The following RAPGEF2 variants were observed in gnomAD, a reference collection of about 807,000 sequenced individuals.
The protein encoded by RAPGEF2 is PDZ domain containing guanine nucleotide exchange factor (GEF) 1.
Under a neutral mutation model 186.7 loss-of-function variants are expected in RAPGEF2, and 54 were observed. That is an observed-to-expected ratio of 0.29 (90% CI 0.23 to 0.36). RAPGEF2 has a LOEUF of 0.36. Among genes scored for constraint, RAPGEF2 ranks in the 10% least tolerant of loss-of-function variants. The pLI is 1.00. For synonymous variants in RAPGEF2, 712 were observed against 705.9 expected (o/e 1.01, Z -0.14); for missense variants, 1,532 against 2,045.0 (o/e 0.75, Z 4.84).
At chr4:159,322,633 T>A in intron 10 of RAPGEF2, 150 bp downstream of exon 10, 1 of 634,762 alleles carries the variant, frequency 1.6e-6, no homozygotes, top group Non-Finnish European at 2.7e-6. Flanking sequence ...ACCTGTTATG[T>A]CACTGTATTA....
intron 3 of RAPGEF2, among the ~76,000 whole-genome samples, chr4:159,196,562 T>A (rs1049187438): frequency 6.6e-6 from 1 of 152,246 alleles, no homozygotes; most frequent in African/African-American, 2.4e-5. Context: ...TACCTCGTTT[T>A]TCTCACCTAT....
At chr4:159,177,724 T>G (rs2111265528) in intron 1 of RAPGEF2, among the ~76,000 whole-genome samples, 1 of 152,322 alleles carries the variant, frequency 6.6e-6, no homozygotes, top group South Asian at 2.1e-4. Flanking sequence ...TTGCAGAACT[T>G]CCCCTTTTCT....
intron 12 of RAPGEF2, 46 bp downstream of exon 12, chr4:159,330,056 G>C (rs781697185): frequency 6.4e-7 from 1 of 1,565,406 alleles, no homozygotes; most frequent in Non-Finnish European, 8.6e-7. Context: ...ATTTTTTTTG[G>C]TAGTATTGGT....
intron 7 of RAPGEF2, among the ~76,000 whole-genome samples, chr4:159,249,744 C>A (rs1228760427): frequency 6.6e-6 from 1 of 151,788 alleles, no homozygotes; most frequent in African/African-American, 2.4e-5. Context: ...ACTTCTTTTT[C>A]CCAGTAACAG....
intron 7 of RAPGEF2, chr4:159,282,695 A>C: frequency 2.3e-6 from 1 of 442,262 alleles, no homozygotes; most frequent in South Asian, 1.6e-5. Context: ...TTTGCTTAAG[A>C]AATGATCAAG....
At chr4:159,358,049 C>A (rs1732299900) in intron 29 of RAPGEF2, 65 bp from the exon 30 acceptor site, 5 of 1,501,064 alleles carry the variant, frequency 3.3e-6, no homozygotes, top group Middle Eastern at 1.7e-4. Flanking sequence ...TGAATATATT[C>A]TCTATAGCAC....
chr4:159,334,260 AT>A (rs573518141), intron 17 of RAPGEF2, among the ~76,000 whole-genome samples: 1 of 151,958 alleles, frequency 6.6e-6, no homozygotes, highest in Non-Finnish European at 1.5e-5. Flanking sequence ...AAATTAATTT[AT>A]TTTTTTGAGA....
At chr4:159,251,136 A>G (rs1227049136) in intron 7 of RAPGEF2, among the ~76,000 whole-genome samples, 1 of 152,120 alleles carries the variant, frequency 6.6e-6, no homozygotes, top group Non-Finnish European at 1.5e-5. Context: ...CCCGCCCTGC[A>G]CTTGAATTCT....
At chr4:159,275,284 A>G (rs1437574748) in intron 7 of RAPGEF2, among the ~76,000 whole-genome samples, 1 of 152,132 alleles carries the variant, frequency 6.6e-6, no homozygotes, top group Non-Finnish European at 1.5e-5. Context: ...CTGGATATTC[A>G]TCATAAAGGC....
chr4:159,214,514 C>T (rs1222934604), intron 4 of RAPGEF2, among the ~76,000 whole-genome samples: 3 of 152,050 alleles, frequency 2.0e-5, no homozygotes, highest in Non-Finnish European at 2.9e-5. Flanking sequence ...CCCCTAATTA[C>T]CCTAAATCAG....
At chr4:159,128,459 T>C (rs994626905) in intron 1 of RAPGEF2, among the ~76,000 whole-genome samples, 2 of 152,150 alleles carry the variant, frequency 1.3e-5, no homozygotes, top group Non-Finnish European at 2.9e-5. Context: ...ATTGCTGACA[T>C]AATAAAAATA....
intron 6 of RAPGEF2, among the ~76,000 whole-genome samples, chr4:159,242,443 G>A (rs879445971): frequency 6.6e-6 from 1 of 151,460 alleles, no homozygotes; most frequent in Non-Finnish European, 1.5e-5. Context: ...TTTTTAGTAA[G>A]TTTAAGTGAT....
chr4:159,290,008 A>G lies in RAPGEF2; in HGVS notation c.544-14334A>G, dbSNP rs537146963. 2.0e-5 allele frequency among the ~76,000 whole-genome samples: 3 copies of G among 152,344 alleles called. No homozygotes were observed. The East Asian group carries it at 5.8e-4, about 29-fold the overall frequency. On this transcript the variant is annotated intron_variant, in intron 7 of 29. Coordinates refer to ENST00000691494, the MANE Select transcript of RAPGEF2 (RefSeq NM_001394067.2). ...GGAATATAACTTTTTCCAAAGGGAA[A>G]GAGAAGCCACTAAAACATTTTAGGC...
intron 1 of RAPGEF2, among the ~76,000 whole-genome samples, chr4:159,118,486 AC>A (rs1271677253): frequency 4.0e-5 from 6 of 148,736 alleles, no homozygotes; most frequent in Non-Finnish European, 8.9e-5. Context: ...ATCATCCTGC[AC>A]CCCCCCGCCC....
chr4:159,287,826 A>C (rs1410025024), intron 7 of RAPGEF2, among the ~76,000 whole-genome samples: 1 of 152,176 alleles, frequency 6.6e-6, no homozygotes, highest in Admixed American at 6.5e-5. Flanking sequence ...GCAGTGGCAT[A>C]GCTAATTCAC....
intron 9 of RAPGEF2, among the ~76,000 whole-genome samples, chr4:159,319,747 T>C (rs7678811): frequency 0.62 from 93,722 of 151,336 alleles, 30,317 homozygotes; most frequent in African/African-American, 0.78. Context: ...ATATATGATA[T>C]GCAGGTATCT....
intron 1 of RAPGEF2, among the ~76,000 whole-genome samples, chr4:159,175,140 C>T (rs1336255465): frequency 6.6e-6 from 1 of 152,180 alleles, no homozygotes; most frequent in Non-Finnish European, 1.5e-5. Flanking sequence ...CCAGTAATGT[C>T]ATTATCAGGT....
chr4:159,138,746 A>T (rs552260533), intron 1 of RAPGEF2, among the ~76,000 whole-genome samples: 9 of 152,344 alleles, frequency 5.9e-5, no homozygotes, highest in African/African-American at 2.2e-4. Context: ...AATGTGTAAT[A>T]ATCTTAAAGC....
intron 4 of RAPGEF2, among the ~76,000 whole-genome samples, chr4:159,237,487 G>A (rs889303444): frequency 2.6e-5 from 4 of 152,026 alleles, no homozygotes; most frequent in Non-Finnish European, 5.9e-5. Context: ...ATGATAGAAG[G>A]AGAATGTTGG....
Sources: allele counts gnomAD v4.1 joint callset (sites outside exome capture counted in the v4.1 genomes callset), GRCh38; gene constraint gnomAD v4.1.1; transcripts MANE v1.5; gene names NCBI Gene and HGNC (gene_info 2026-07-23, HGNC 2026-07-21).